JAKMIP2: variants seen among roughly 807,000 people sequenced by gnomAD.
JAKMIP2 encodes janus kinase and microtubule interacting protein 2, also known as janus kinase and microtubule-interacting protein 2.
JAKMIP2 carries 25 observed loss-of-function variants against 115.0 expected under a neutral mutation model. That is an observed-to-expected ratio of 0.22 (90% CI 0.16 to 0.30). JAKMIP2 has a LOEUF of 0.30. JAKMIP2 is among the 10% of genes least tolerant of loss of function. The probability of loss-of-function intolerance (pLI) is 1.00; values close to 1 mark genes in which losing one functional copy is unlikely to be tolerated. For missense variants in JAKMIP2, 642 were observed against 957.6 expected, an observed-to-expected ratio of 0.67 and a Z score of 4.35; for synonymous variants, 334 against 343.6, an observed-to-expected ratio of 0.97 and a Z score of 0.31.
chr5:147,601,986 A>C (rs1755720860), intron 20 of JAKMIP2, among the ~76,000 whole-genome samples, 175 bp from the exon 21 acceptor site: 1 of 152,212 alleles, frequency 6.6e-6, no homozygotes, highest in Non-Finnish European at 1.5e-5. Flanking sequence ...ACAGAGTATC[A>C]GTGTTCAACT....
At chr5:147,617,074 T>C (rs1406832349) in intron 19 of JAKMIP2, among the ~76,000 whole-genome samples, 1 of 152,214 alleles carries the variant, frequency 6.6e-6, no homozygotes, top group Non-Finnish European at 1.5e-5. Flanking sequence ...TGAATCTGTA[T>C]TTTGACCAGG....
intron 16 of JAKMIP2, among the ~76,000 whole-genome samples, chr5:147,627,285 T>G (rs960050870): frequency 2.0e-5 from 3 of 152,010 alleles, no homozygotes; most frequent in Non-Finnish European, 4.4e-5. Context: ...GCAGGCCTCC[T>G]CATTATGGGG....
Position 147,765,632 on chromosome 5 carries a change from A to C in JAKMIP2, c.-149+16824T>G, listed in dbSNP as rs185530186. Among the ~76,000 whole-genome samples the C allele has an allele frequency of 2.2e-3, 329 of 152,266 alleles. 1 individual carries two copies. Among genetic ancestry groups the C allele is most frequent in the African/African-American group, 7.8e-3 (323 of 41,556 alleles). The stretch of plus-strand genomic sequence containing the variant: ...TCAGGGACTTCCTAATGTTCAGGTA[A>C]AGACAACTTCTTGAAATTCTTTTTG... On this transcript the variant is annotated intron_variant, in intron 1 of 21. Transcript: ENST00000616793.
Position 147,585,539 on chromosome 5 carries a change from A to T in JAKMIP2, c.*6168T>A, listed in dbSNP as rs1443764165. 1 of 152,254 alleles carries T rather than the reference A, an allele frequency of 6.6e-6. No individual in the cohort carries two copies. Among genetic ancestry groups the T allele is most frequent in the Non-Finnish European group, 1.5e-5 (1 of 68,038 alleles). 9.4% of individuals were successfully genotyped at this position (152,254 alleles called of 1,614,324 possible). A position where few individuals can be genotyped will look rare whatever the true frequency, so the allele number is the denominator to read the frequency against. The stretch of plus-strand genomic sequence containing the variant: ...TAAATTATAAAATAACCATTCATAA[A>T]ACTTTACATACAGTAAGTTGATTCC... On this transcript the variant is annotated 3_prime_UTR_variant, in exon 22 of 22. Coordinates refer to ENST00000616793, the MANE Select transcript of JAKMIP2 (RefSeq NM_001270941.2).
intron 7 of JAKMIP2, among the ~76,000 whole-genome samples, chr5:147,642,028 A>G (rs1221572751): frequency 6.6e-6 from 1 of 152,186 alleles, no homozygotes; most frequent in Admixed American, 6.5e-5. Flanking sequence ...ATCCTGTTTT[A>G]TACTTGAACA....
chr5:147,773,636 A>G (rs1459054327), intron 1 of JAKMIP2, among the ~76,000 whole-genome samples: 2 of 152,130 alleles, frequency 1.3e-5, no homozygotes, highest in East Asian at 3.9e-4. Flanking sequence ...GTTAAAAGAG[A>G]TTAAACAGTA....
intron 1 of JAKMIP2, among the ~76,000 whole-genome samples, chr5:147,770,137 T>C (rs2127072478): frequency 6.6e-6 from 1 of 152,278 alleles, no homozygotes; most frequent in Admixed American, 6.5e-5. Context: ...ACTTTTTTTT[T>C]AACTTAGACA....
At chr5:147,650,568 G>T (rs1309323108) in intron 3 of JAKMIP2, 21 bp from the exon 4 acceptor site, 1 of 1,564,080 alleles carries the variant, frequency 6.4e-7, no homozygotes, top group Non-Finnish European at 8.8e-7. Flanking sequence ...TGAGACCCAG[G>T]ACATTTTATT....
chr5:147,758,140 C>A (rs549541345), intron 1 of JAKMIP2, among the ~76,000 whole-genome samples: 1 of 152,206 alleles, frequency 6.6e-6, no homozygotes, highest in Admixed American at 6.5e-5. Flanking sequence ...TAATGAAGGT[C>A]TCTGAGGTTT....
At chr5:147,679,260 C>T (rs377297353) in intron 1 of JAKMIP2, among the ~76,000 whole-genome samples, 2 of 152,188 alleles carry the variant, frequency 1.3e-5, no homozygotes, top group Non-Finnish European at 2.9e-5. Flanking sequence ...GAATTACAGG[C>T]GTGAGCCACC....
At chr5:147,597,177 C>T (rs57112007) in intron 21 of JAKMIP2, among the ~76,000 whole-genome samples, 2,647 of 152,142 alleles carry the variant, frequency 0.017, 94 homozygotes, top group African/African-American at 0.061. Context: ...GCCACCGCGC[C>T]TGGCCGATCG....
At chr5:147,618,686 C>T (rs567918747) in intron 18 of JAKMIP2, among the ~76,000 whole-genome samples, 10 of 152,150 alleles carry the variant, frequency 6.6e-5, no homozygotes, top group East Asian at 1.9e-4. Flanking sequence ...TGCAGTGAGC[C>T]GAGATCACGC....
chr5:147,616,371 G>C (rs1756584046), intron 19 of JAKMIP2, among the ~76,000 whole-genome samples: 1 of 152,144 alleles, frequency 6.6e-6, no homozygotes, highest in Non-Finnish European at 1.5e-5. Flanking sequence ...AACTCCCTGA[G>C]GTTCAGAAAT....
chr5:147,665,555 T>C (rs114674768), intron 2 of JAKMIP2, among the ~76,000 whole-genome samples: 9 of 152,332 alleles, frequency 5.9e-5, no homozygotes, highest in Non-Finnish European at 1.2e-4. Flanking sequence ...TAGCCATTCT[T>C]CTGAGAACAG....
At chr5:147,623,780 T>C in intron 16 of JAKMIP2, 91 bp from the exon 17 acceptor site, 1 of 724,372 alleles carries the variant, frequency 1.4e-6, no homozygotes, top group Non-Finnish European at 2.4e-6. Context: ...TCTCCTCCCC[T>C]TATATCTCAG....
At chr5:147,595,505 T>A (rs1235883937) in intron 21 of JAKMIP2, 12 of 455,702 alleles carry the variant, frequency 2.6e-5, no homozygotes, top group South Asian at 1.7e-4. Flanking sequence ...CCAAACCTGC[T>A]GGTGCCTCGA....
intron 1 of JAKMIP2, among the ~76,000 whole-genome samples, chr5:147,748,724 TG>T (rs1754443875): frequency 6.6e-6 from 1 of 152,064 alleles, no homozygotes; most frequent in African/African-American, 2.4e-5. Context: ...AAGCTTAGGG[TG>T]GGGGTGGCCA....
chr5:147,700,156 C>T (rs915761231), intron 1 of JAKMIP2, among the ~76,000 whole-genome samples: 3 of 151,974 alleles, frequency 2.0e-5, no homozygotes, highest in African/African-American at 7.2e-5. Context: ...GAAATAAAAT[C>T]AGACCATTAG....
intron 1 of JAKMIP2, among the ~76,000 whole-genome samples, chr5:147,750,415 T>C (rs1197282103): frequency 1.3e-5 from 2 of 152,076 alleles, no homozygotes; most frequent in East Asian, 3.9e-4. Flanking sequence ...AGAGATCACA[T>C]GTTATACTCA....
Sources: allele counts gnomAD v4.1 joint callset (sites outside exome capture counted in the v4.1 genomes callset), GRCh38; gene constraint gnomAD v4.1.1; transcripts MANE v1.5; gene names NCBI Gene and HGNC (gene_info 2026-07-23, HGNC 2026-07-21).